TEX15: variants seen among roughly 807,000 people sequenced by gnomAD.
TEX15 encodes testis-expressed protein 15.
In TEX15, 171 loss-of-function variants were observed where a neutral mutation model predicts 237.3. That is an observed-to-expected ratio of 0.72 (90% CI 0.64 to 0.82). TEX15 has a LOEUF of 0.82. TEX15 is among the 40% of genes least tolerant of loss of function. The pLI is 0.00. For missense variants in TEX15, 3,750 were observed against 3,646.5 expected (o/e 1.03, Z -0.73); for synonymous variants, 1,338 against 1,269.8 (o/e 1.05, Z -1.14).
Position 30,842,338 on chromosome 8 carries a change from G to A in TEX15, c.7829C>T (p.Ala2610Val), listed in dbSNP as rs1807477860. Reference protein sequence around the residue: ...SAPRKDLGKMAHIRKVMKTIE... With the variant: ...SAPRKDLGKMVHIRKVMKTIE... ...CGTTTTCATGACTTTCCTAATGTGG[G>A]CCATTTTTCCTAAATCTTTCCTAGG... Residue 2610 changes from alanine to valine, a missense_variant, in exon 8 of 11, where the codon GCC becomes GTC. Ala to Val is a moderately conservative substitution (Grantham distance 64, BLOSUM62 0). Coordinates refer to ENST00000643185, the MANE Select transcript of TEX15 (RefSeq NM_001350162.2). The A allele has an allele frequency of 1.9e-6, 3 of 1,613,542 alleles. No homozygotes were observed. Among genetic ancestry groups the A allele is most frequent in the Non-Finnish European group, 2.5e-6 (3 of 1,179,828 alleles).
At chr8:30,852,353 A>T (rs1299215918) in intron 7 of TEX15, among the ~76,000 whole-genome samples, 20 of 151,976 alleles carry the variant, frequency 1.3e-4, no homozygotes, top group Non-Finnish European at 1.5e-5. Flanking sequence ...TTGGCCTCCC[A>T]AAGTGCTAGG....
At chr8:30,897,400 A>AAT (rs1808927581) in intron 2 of TEX15, among the ~76,000 whole-genome samples, 1 of 152,220 alleles carries the variant, frequency 6.6e-6, no homozygotes. Flanking sequence ...TAGCCTCATT[A>AAT]CATTAAACAG....
chr8:30,834,093 C>G (rs1360205330), intron 10 of TEX15, among the ~76,000 whole-genome samples: 3 of 152,102 alleles, frequency 2.0e-5, no homozygotes, highest in Non-Finnish European at 2.9e-5. Context: ...TGGTGTTTAT[C>G]ATTACAGCAT....
Position 30,844,419 on chromosome 8 carries a change from A to G in TEX15, c.5748T>C (p.Ser1916=). ...TCTTCTCTCTTTTGTTAAGCGGATT[A>G]GAAACTGTGTTCTTCAAAGGGACTG... ...TESVPLKNTV[S]NPLNKREKKG... Residue 1916 remains serine, a synonymous_variant, in exon 8 of 11, where the codon TCT becomes TCC. Coordinates refer to ENST00000643185, the MANE Select transcript of TEX15 (RefSeq NM_001350162.2). 1.2e-6 allele frequency: 2 copies of G among 1,611,872 alleles called. No individual in the cohort carries two copies. The highest frequency in any genetic ancestry group is 1.7e-6 in the Non-Finnish European group (2 of 1,179,190).
At chr8:30,853,173 T>TC (rs1375660792) in intron 7 of TEX15, among the ~76,000 whole-genome samples, 11 of 152,138 alleles carry the variant, frequency 7.2e-5, no homozygotes, top group Non-Finnish European at 1.5e-4. Context: ...TAGGGAAAGG[T>TC]CCCTATCTGT....
chr8:30,847,052 G>T lies in TEX15; in HGVS notation c.3115C>A (p.Gln1039Lys). ...TTTATTGATTGATGAAATGATTCTT[G>T]TGATTTATTTTTATCCGTATCAATT... The part of the protein sequence containing the change: ...CEIDTDKNKS[Q>K]ESFHQSINEN... The change falls in exon 8 of 11, where the codon CAA becomes AAA. Residue 1039 changes from glutamine to lysine, a missense_variant. Physicochemically the swap from Gln to Lys is moderately conservative, Grantham distance 53. Transcript: ENST00000643185. 6.2e-7 allele frequency: 1 copy of T among 1,612,512 alleles called. No homozygotes were observed. The highest frequency in any genetic ancestry group is 8.5e-7 in the Non-Finnish European group (1 of 1,179,088).
chr8:30,851,133 A>C (rs562425731), intron 7 of TEX15, among the ~76,000 whole-genome samples: 33 of 150,876 alleles, frequency 2.2e-4, no homozygotes, highest in African/African-American at 7.5e-4. Flanking sequence ...TACTCTGATA[A>C]ACTTGTATAA....
chr8:30,848,363 C>T lies in TEX15; in HGVS notation c.1804G>A (p.Val602Ile). 1 of 1,614,096 alleles carries T rather than the reference C, an allele frequency of 6.2e-7. No individual in the cohort carries two copies. The highest frequency in any genetic ancestry group is 1.1e-5 in the South Asian group (1 of 91,072). ...CTTACTTTCTTTTTGAGTGGAAAAA[C>T]TGTAGACGTTTGGCAACCAGTCTGA... ...IYQTGCQTST[V>I]FPLKKKVSID... The change falls in exon 8 of 11, where the codon GTT (valine) becomes ATT (isoleucine). Residue 602 changes from valine to isoleucine, a missense_variant. By Grantham distance (29) the Val-to-Ile change is conservative (BLOSUM62 3). Coordinates refer to ENST00000643185, the MANE Select transcript of TEX15 (RefSeq NM_001350162.2).
In TEX15 at chr8:30,875,006, G is replaced by A. The variant is rs1025630769; in HGVS notation, c.233C>T (p.Ser78Leu). Residue 78 changes from serine to leucine, a missense_variant, in exon 4 of 11, where the codon TCG becomes TTG. Physicochemically the swap from Ser to Leu is moderately radical, Grantham distance 145. Transcript: ENST00000643185. Reference protein sequence around the residue: ...CRLDVNCDLQSLWQFGDTKLV... With the variant: ...CRLDVNCDLQLLWQFGDTKLV... ...TTTTGTATCCCCAAACTGCCATAAC[G>A]ACTGCAGATCACAGTTTACATCAAG... is the stretch of plus-strand genomic sequence containing the variant. The A allele has an allele frequency of 4.3e-6, 6 of 1,391,232 alleles. No homozygotes were observed. Among genetic ancestry groups the A allele is most frequent in the Non-Finnish European group, 4.7e-6 (5 of 1,071,694 alleles). The allele number at this position is 1,391,232 out of a possible 1,614,324, so 86.2% of individuals were successfully genotyped here.
At chr8:30,881,554 T>C (rs559346944) in intron 3 of TEX15, among the ~76,000 whole-genome samples, 48 of 152,006 alleles carry the variant, frequency 3.2e-4, no homozygotes, top group Non-Finnish European at 6.0e-4. Context: ...ATTTAATTGA[T>C]CTTTCCAAAC....
intron 2 of TEX15, among the ~76,000 whole-genome samples, chr8:30,888,211 AG>A (rs1199413405): frequency 6.6e-6 from 1 of 151,906 alleles, no homozygotes; most frequent in Non-Finnish European, 1.5e-5. Context: ...CACCATGCCC[AG>A]CCCAAATACT....
chr8:30,860,250 T>C (rs887170839), intron 5 of TEX15, among the ~76,000 whole-genome samples, 193 bp from the exon 6 acceptor site: 1 of 151,696 alleles, frequency 6.6e-6, no homozygotes, highest in Non-Finnish European at 1.5e-5. Flanking sequence ...CCCCGTTGAG[T>C]AGCTGGGACT....
intron 8 of TEX15, among the ~76,000 whole-genome samples, chr8:30,841,703 T>C (rs975910422): frequency 6.6e-6 from 1 of 152,204 alleles, no homozygotes; most frequent in Non-Finnish European, 1.5e-5. Context: ...TCAGTGTTCA[T>C]AATATTGAAC....
At chr8:30,884,694 A>AT (rs906371948) in intron 3 of TEX15, among the ~76,000 whole-genome samples, 70 of 152,100 alleles carry the variant, frequency 4.6e-4, no homozygotes, top group African/African-American at 1.6e-3. Context: ...TTGATTTCTG[A>AT]TATCAGTAAT....
At chr8:30,895,957 T>A (rs542153030) in intron 2 of TEX15, among the ~76,000 whole-genome samples, 1 of 152,028 alleles carries the variant, frequency 6.6e-6, no homozygotes, top group Non-Finnish European at 1.5e-5. Flanking sequence ...GAGATTACAA[T>A]AGGTGTGAGC....
intron 7 of TEX15, among the ~76,000 whole-genome samples, chr8:30,857,554 T>C (rs917683523): frequency 6.6e-6 from 1 of 152,092 alleles, no homozygotes; most frequent in Non-Finnish European, 1.5e-5. Flanking sequence ...AAAGAATTCC[T>C]ACAAATCAGT....
chr8:30,900,458 T>C (rs866397061), intron 1 of TEX15, among the ~76,000 whole-genome samples: 3 of 152,238 alleles, frequency 2.0e-5, no homozygotes, highest in African/African-American at 7.2e-5. Flanking sequence ...ATATGAGTAA[T>C]ATGTGTATTT....
chr8:30,835,415 T>C (rs569539721), intron 10 of TEX15, among the ~76,000 whole-genome samples: 52 of 152,140 alleles, frequency 3.4e-4, no homozygotes, highest in African/African-American at 1.2e-3. Context: ...TTAAAAATTA[T>C]TAAAAATAAT....
intron 8 of TEX15, 101 bp downstream of exon 8, chr8:30,841,903 C>A: frequency 1.4e-6 from 1 of 728,904 alleles, no homozygotes; most frequent in Non-Finnish European, 2.2e-6. Context: ...GACAATTTAC[C>A]ATTCTTAACT....
Sources: gnomAD v4.1 joint callset for allele counts (sites outside exome capture counted in the v4.1 genomes callset) on GRCh38, gnomAD v4.1.1 for gene constraint, MANE v1.5 for transcripts, NCBI Gene and HGNC (gene_info 2026-07-23, HGNC 2026-07-21) for gene names.